Variants in MRPL48 observed in about 807,000 individuals in gnomAD.
MRPL48 encodes the protein large ribosomal subunit protein mL48.
Under a neutral mutation model 32.9 loss-of-function variants are expected in MRPL48, and 16 were observed. That is an observed-to-expected ratio of 0.49 (90% confidence interval 0.33 to 0.74). The LOEUF (loss-of-function observed/expected upper bound fraction) is 0.74, where lower values mean the gene tolerates loss of function less well. Ranked by LOEUF, MRPL48 falls within the 30% of genes least tolerant of loss-of-function variation. The pLI is 0.02. For missense variants in MRPL48, 206 were observed against 245.3 expected (o/e 0.84, Z 1.07); for synonymous variants, 94 against 89.2 (o/e 1.05, Z -0.31).
chr11:73,800,265 C>T (rs1345768249), intron 1 of MRPL48, among the ~76,000 whole-genome samples: 4 of 151,948 alleles, frequency 2.6e-5, no homozygotes, highest in Non-Finnish European at 5.9e-5. Flanking sequence ...ATTAAAAAGA[C>T]AAATAGTATG....
At chr11:73,849,756 A>T (rs961023117) in intron 5 of MRPL48, among the ~76,000 whole-genome samples, 1 of 152,202 alleles carries the variant, frequency 6.6e-6, no homozygotes, top group African/African-American at 2.4e-5. Flanking sequence ...TTTCTCTAGG[A>T]GTATGATTGT....
chr11:73,864,160 G>A (rs1948629547), intron 7 of MRPL48, 136 bp from the exon 8 acceptor site: 8 of 688,612 alleles, frequency 1.2e-5, no homozygotes, highest in African/African-American at 1.8e-5. Context: ...CTGCTACATA[G>A]TAGATAATAA....
intron 4 of MRPL48, among the ~76,000 whole-genome samples, chr11:73,833,832 G>A (rs546292278): frequency 2.2e-4 from 33 of 152,048 alleles, no homozygotes; most frequent in African/African-American, 6.5e-4. Context: ...GTACGACTAC[G>A]CCTTGCTAAT....
intron 5 of MRPL48, among the ~76,000 whole-genome samples, chr11:73,854,341 T>G (rs1948452378): frequency 6.6e-6 from 1 of 152,242 alleles, no homozygotes; most frequent in Non-Finnish European, 1.5e-5. Context: ...TGGAGTGCCG[T>G]GGCACGATCT....
chr11:73,825,678 AAC>A, intron 3 of MRPL48, 28 bp from the exon 4 acceptor site: 1 of 1,533,746 alleles, frequency 6.5e-7, no homozygotes, highest in Non-Finnish European at 8.8e-7. Flanking sequence ...ACAACAAAAA[AAC>A]AGGTTTGTCT....
At chr11:73,795,673 AT>A (rs35881164) in intron 1 of MRPL48, among the ~76,000 whole-genome samples, 129 of 142,756 alleles carry the variant, frequency 9.0e-4, no homozygotes, top group Non-Finnish European at 8.6e-4. Context: ...CGCCCAGCTA[AT>A]TTTTTTTTTT....
chr11:73,859,988 C>T lies in MRPL48; in HGVS notation c.453C>T (p.Thr151=). 1 of 1,613,678 alleles carries T rather than the reference C, an allele frequency of 6.2e-7. No individual in the cohort carries two copies. Among genetic ancestry groups the T allele is most frequent in the South Asian group, 1.1e-5 (1 of 90,994 alleles). The change falls in exon 6 of 8, where the codon ACC becomes ACT. Residue 151 remains threonine (T), a synonymous_variant. Transcript: ENST00000310614. ...AAATGCTCCTGGACTCAGTGCTTAC[C>T]ACCCATGAGCGAGTGGTTCAGGTAG... ...GSKMLLDSVL[T]THERVVQISG...
chr11:73,795,166 T>C (rs1458048863), intron 1 of MRPL48, among the ~76,000 whole-genome samples: 1 of 152,186 alleles, frequency 6.6e-6, no homozygotes, highest in Non-Finnish European at 1.5e-5. Context: ...TCCGCCCGCC[T>C]CGGCTTTCCA....
chr11:73,850,159 A>G (rs915937163), intron 5 of MRPL48, among the ~76,000 whole-genome samples: 13 of 152,050 alleles, frequency 8.5e-5, no homozygotes, highest in Non-Finnish European at 1.6e-4. Flanking sequence ...AAGGTAGTAC[A>G]TGATATAGTA....
intron 3 of MRPL48, among the ~76,000 whole-genome samples, chr11:73,820,524 ACT>A (rs999151509): frequency 1.3e-5 from 2 of 151,736 alleles, no homozygotes; most frequent in African/African-American, 4.8e-5. Flanking sequence ...TGCCCAGCCC[ACT>A]CTCATCTCTT....
At chr11:73,844,307 T>C (rs931353454) in intron 4 of MRPL48, among the ~76,000 whole-genome samples, 3 of 151,978 alleles carry the variant, frequency 2.0e-5, no homozygotes, top group African/African-American at 4.8e-5. Flanking sequence ...GGGGTGCGCC[T>C]GTCGTCCCAG....
chr11:73,813,837 C>G (rs1028128046), intron 3 of MRPL48, among the ~76,000 whole-genome samples: 23 of 151,422 alleles, frequency 1.5e-4, no homozygotes, highest in Admixed American at 1.2e-3. Flanking sequence ...GTCAGGAGAT[C>G]AAGACCATCC....
At chr11:73,828,000 A>G (rs1056092168) in intron 4 of MRPL48, among the ~76,000 whole-genome samples, 1 of 152,146 alleles carries the variant, frequency 6.6e-6, no homozygotes, top group East Asian at 1.9e-4. Context: ...TCCTGAAATT[A>G]TATGTAAAAT....
intron 3 of MRPL48, among the ~76,000 whole-genome samples, chr11:73,823,858 C>A (rs1947833429): frequency 6.6e-6 from 1 of 150,682 alleles, no homozygotes; most frequent in Non-Finnish European, 1.5e-5. Context: ...ATATAAAGAC[C>A]CCCCTTTTTT....
At chr11:73,796,554 C>T (rs781764656) in intron 1 of MRPL48, among the ~76,000 whole-genome samples, 12 of 152,246 alleles carry the variant, frequency 7.9e-5, no homozygotes, top group Admixed American at 2.0e-4. Flanking sequence ...TTGGCACCTA[C>T]AGGGCACTAT....
At chr11:73,846,036 C>T (rs915966185) in intron 5 of MRPL48, among the ~76,000 whole-genome samples, 13 of 142,682 alleles carry the variant, frequency 9.1e-5, no homozygotes, top group Non-Finnish European at 1.8e-4. Flanking sequence ...CCACTGCACT[C>T]CAGCGTGGGC....
At position 73,853,891 on chromosome 11, in the gene MRPL48, C is replaced by T. The variant is rs192010466; in HGVS notation, c.372-6016C>T. On this transcript the variant is annotated intron_variant, in intron 5 of 7. Transcript: ENST00000310614. Reference sequence around the variant, plus strand: ...ACTTTTAGTAGGGAGGGGGTTTCACCGTGTTAGCCAGGATGGTCTTGATCT... The same window carrying T: ...ACTTTTAGTAGGGAGGGGGTTTCACTGTGTTAGCCAGGATGGTCTTGATCT... Among the ~76,000 whole-genome samples, 5 of 151,906 alleles carry T rather than the reference C, an allele frequency of 3.3e-5. No individual in the cohort carries two copies. The East Asian group carries it at 9.7e-4, about 30-fold the overall frequency.
intron 4 of MRPL48, among the ~76,000 whole-genome samples, chr11:73,827,973 C>T (rs935641253): frequency 3.3e-5 from 5 of 152,108 alleles, no homozygotes; most frequent in African/African-American, 9.7e-5. Flanking sequence ...CAACCTTCCC[C>T]GTCTAGGCAT....
intron 4 of MRPL48, among the ~76,000 whole-genome samples, chr11:73,838,618 C>G (rs1948141564): frequency 6.6e-6 from 1 of 152,280 alleles, no homozygotes; most frequent in East Asian, 1.9e-4. Context: ...GCAGTGCTGC[C>G]TGTCACGATG....
Sources: allele counts gnomAD v4.1 joint callset (sites outside exome capture counted in the v4.1 genomes callset), GRCh38; gene constraint gnomAD v4.1.1; transcripts MANE v1.5; gene names NCBI Gene and HGNC (gene_info 2026-07-23, HGNC 2026-07-21).